Variants in APLF observed in about 807,000 individuals in gnomAD.
APLF encodes aprataxin and PNKP like factor.
Under a neutral mutation model 55.6 loss-of-function variants are expected in APLF, and 61 were observed. The ratio of observed to expected loss-of-function variants is 1.10; its 90% confidence interval spans 0.89 to 1.36. The LOEUF (loss-of-function observed/expected upper bound fraction) is 1.36. Ranked by LOEUF, APLF falls within the 40% of genes most tolerant of loss-of-function variation. APLF has a pLI of 0.00. For missense variants in APLF, 611 were observed against 602.5 expected, an observed-to-expected ratio of 1.01 and a Z score of -0.15; for synonymous variants, 207 against 214.8, an observed-to-expected ratio of 0.96 and a Z score of 0.32.
intron 1 of APLF, 74 bp from the exon 2 acceptor site, chr2:68,490,116 T>A (rs1372818949): frequency 9.7e-7 from 1 of 1,031,920 alleles, no homozygotes; most frequent in African/African-American, 1.6e-5. Flanking sequence ...CGCCAAGGGT[T>A]TCGTTTGCCT....
intron 6 of APLF, among the ~76,000 whole-genome samples, chr2:68,526,463 C>T (rs898214965): frequency 3.9e-5 from 6 of 152,164 alleles, no homozygotes; most frequent in East Asian, 1.9e-4. Context: ...GCGACCGCCA[C>T]GGAGCAGTGG....
chr2:68,569,542 A>G (rs771942442), intron 9 of APLF, among the ~76,000 whole-genome samples: 1 of 152,132 alleles, frequency 6.6e-6, no homozygotes, highest in Non-Finnish European at 1.5e-5. Flanking sequence ...AAAAGGGTGT[A>G]TTGAAGCTAG....
At chr2:68,503,000 C>T (rs1676768442) in intron 3 of APLF, 97 bp downstream of exon 3, 1 of 1,313,982 alleles carries the variant, frequency 7.6e-7, no homozygotes, top group Non-Finnish European at 1.1e-6. Flanking sequence ...AACCATTAAA[C>T]TGGAGATAGA....
chr2:68,528,241 C>T, intron 6 of APLF: 1 of 1,236,068 alleles, frequency 8.1e-7, no homozygotes, highest in Non-Finnish European at 1.1e-6. Context: ...CATGCCTGCC[C>T]TGCTGTCTCT....
At chr2:68,526,404 A>G (rs975374049) in intron 6 of APLF, among the ~76,000 whole-genome samples, 162 bp downstream of exon 6, 3 of 152,194 alleles carry the variant, frequency 2.0e-5, no homozygotes, top group African/African-American at 7.2e-5. Flanking sequence ...CTAATCTTTA[A>G]TATAGTATTT....
rs114898805 is a variant in APLF at position 68,524,927 on chromosome 2, A to G, written c.623-1134A>G. The stretch of plus-strand genomic sequence containing the variant: ...GTCTTAGGTTTGCCAACTGCATTAA[A>G]CTTTGGGTATTTTATGGGATACAAT... On this transcript the variant is annotated intron_variant, in intron 5 of 9. Transcript: ENST00000303795. 4.8e-3 allele frequency among the ~76,000 whole-genome samples: 726 copies of G among 152,246 alleles called. 2 individuals are homozygous for G. Among genetic ancestry groups the G allele is most frequent in the African/African-American group, 0.017 (694 of 41,532 alleles).
intron 5 of APLF, among the ~76,000 whole-genome samples, chr2:68,518,877 A>G (rs1669778709): frequency 7.9e-6 from 1 of 126,512 alleles, no homozygotes; most frequent in African/African-American, 3.1e-5. Flanking sequence ...AATATGTAAT[A>G]AAATATTAAT....
intron 1 of APLF, among the ~76,000 whole-genome samples, chr2:68,472,761 T>C (rs1675659638): frequency 6.6e-6 from 1 of 152,166 alleles, no homozygotes; most frequent in African/African-American, 2.4e-5. Context: ...GATAATTGGG[T>C]AGGTGTTGAC....
chr2:68,468,005 T>C (rs1675486519), intron 1 of APLF, among the ~76,000 whole-genome samples, 178 bp downstream of exon 1: 1 of 152,226 alleles, frequency 6.6e-6, no homozygotes, highest in African/African-American at 2.4e-5. Context: ...AACATTTCTT[T>C]ATGTTGCTTT....
At chr2:68,487,363 T>C (rs1289199113) in intron 1 of APLF, among the ~76,000 whole-genome samples, 1 of 152,170 alleles carries the variant, frequency 6.6e-6, no homozygotes, top group African/African-American at 2.4e-5. Context: ...GTTAAGAGCA[T>C]GAATGGTTCT....
At chr2:68,538,480 G>C (rs1441220086) in intron 7 of APLF, among the ~76,000 whole-genome samples, 3 of 152,082 alleles carry the variant, frequency 2.0e-5, no homozygotes, top group Admixed American at 2.0e-4. Context: ...GAATACTGGG[G>C]AATCCAGACA....
At position 68,487,151 on chromosome 2, in the gene APLF, C is replaced by T. The variant is rs545995275; in HGVS notation, c.97-3039C>T. On this transcript the variant is annotated intron_variant, in intron 1 of 9. Coordinates refer to ENST00000303795, the MANE Select transcript of APLF (RefSeq NM_173545.3). Reference sequence around the variant, plus strand: ...AGGTATGCCATTAGATAAGCAGGACCAAATGAAAGCCTGAGGGCCTCTTGG... The same window carrying T: ...AGGTATGCCATTAGATAAGCAGGACTAAATGAAAGCCTGAGGGCCTCTTGG... Among the ~76,000 whole-genome samples, 9 of 152,198 alleles carry T rather than the reference C, an allele frequency of 5.9e-5. No homozygotes were observed. The South Asian group carries it at 1.9e-3, about 32-fold the overall frequency.
chr2:68,542,932 GTA>G (rs1199519218), intron 7 of APLF, among the ~76,000 whole-genome samples: 1 of 152,108 alleles, frequency 6.6e-6, no homozygotes, highest in East Asian at 1.9e-4. Context: ...AGAAAATTTG[GTA>G]TATACATATG....
intron 5 of APLF, among the ~76,000 whole-genome samples, chr2:68,518,109 A>G (rs945197780): frequency 2.3e-5 from 3 of 131,218 alleles, no homozygotes; most frequent in South Asian, 4.6e-4. Context: ...TATATAATAT[A>G]TCATATACAA....
chr2:68,512,571 T>C (rs1345585618), intron 3 of APLF, among the ~76,000 whole-genome samples: 2 of 151,858 alleles, frequency 1.3e-5, no homozygotes, highest in Non-Finnish European at 2.9e-5. Flanking sequence ...GATGTTCCTG[T>C]TCCAGAACAT....
intron 7 of APLF, among the ~76,000 whole-genome samples, chr2:68,541,370 A>G (rs1670543288): frequency 6.6e-6 from 1 of 152,156 alleles, no homozygotes; most frequent in Non-Finnish European, 1.5e-5. Context: ...CACAAAGTAG[A>G]TGAGGATATT....
chr2:68,579,426 C>A lies in APLF; in HGVS notation c.*1404C>A, dbSNP rs1671711446. On this transcript the variant is annotated 3_prime_UTR_variant, in exon 10 of 10. Transcript: ENST00000303795. ...CACTAACTTAATCCTTGAAGTGTTA[C>A]ATAATCTACTCCTAGGTATATACCC... 1 of 958,550 alleles carries A rather than the reference C, an allele frequency of 1.0e-6. No homozygotes were observed. Among genetic ancestry groups the A allele is most frequent in the South Asian group, 4.8e-5 (1 of 20,686 alleles). 59.4% of individuals were successfully genotyped at this position (958,550 alleles called of 1,614,324 possible). A position where few individuals can be genotyped will look rare whatever the true frequency, so the allele number is the denominator to read the frequency against.
chr2:68,494,277 CAAAAAAAAAAAAAAAA>C (rs59466460), intron 2 of APLF, among the ~76,000 whole-genome samples: 1 of 49,546 alleles, frequency 2.0e-5, no homozygotes, highest in Non-Finnish European at 4.1e-5. Flanking sequence ...GACCCCGTCT[CAAAAAAAAAAAAAAAA>C]AAAAAAAAAG....
Position 68,529,420 on chromosome 2 carries a change from C to A in APLF, c.804+3178C>A. 8.1e-7 allele frequency: 1 copy of A among 1,230,240 alleles called. No homozygotes were observed. Among genetic ancestry groups the A allele is most frequent in the Non-Finnish European group, 1.0e-6 (1 of 984,016 alleles). The allele number at this position is 1,230,240 out of a possible 1,614,324, so 76.2% of individuals were successfully genotyped here. On this transcript the variant is annotated intron_variant, in intron 6 of 9. Coordinates refer to ENST00000303795, the MANE Select transcript of APLF (RefSeq NM_173545.3). The surrounding 1 kb of genome is among the most constrained non-coding windows in gnomAD (Gnocchi z 4.4). ...CAGGTTGCCGATGGCATGGCCAGGA[C>A]CTGCGGCGGAACCAGGAACAAAATA...
Sources: allele counts gnomAD v4.1 joint callset (sites outside exome capture counted in the v4.1 genomes callset), GRCh38; gene constraint gnomAD v4.1.1; non-coding constraint Gnocchi (gnomAD v3.1); transcripts MANE v1.5; gene names NCBI Gene and HGNC (gene_info 2026-07-23, HGNC 2026-07-21).